The following SLC27A2 variants were observed in gnomAD, a reference collection of about 807,000 sequenced individuals.
The protein encoded by SLC27A2 is solute carrier family 27 member 2.
A neutral mutation model predicts 60.0 loss-of-function variants in SLC27A2; 54 were observed. The ratio of observed to expected loss-of-function variants is 0.90; its 90% CI spans 0.72 to 1.13. The LOEUF is 1.13. Among genes scored for constraint, SLC27A2 ranks in the 50% most tolerant of loss-of-function variants. SLC27A2 has a pLI of 0.00. For missense variants in SLC27A2, 739 were observed against 777.6 expected (o/e 0.95, Z 0.59); for synonymous variants, 297 against 297.6 (o/e 1.00, Z 0.02).
chr15:50,195,491 AAAAT>A (rs1379968003), intron 1 of SLC27A2, among the ~76,000 whole-genome samples: 2 of 151,892 alleles, frequency 1.3e-5, no homozygotes, highest in African/African-American at 4.8e-5. Flanking sequence ...ACTCTGTCTC[AAAAT>A]AAATAAATAA....
At chr15:50,201,838 A>C (rs1276634983) in intron 2 of SLC27A2, among the ~76,000 whole-genome samples, 1 of 152,188 alleles carries the variant, frequency 6.6e-6, no homozygotes, top group Non-Finnish European at 1.5e-5. Flanking sequence ...TACAGGCGTG[A>C]GCCACCGCGC....
chr15:50,213,942 G>A (rs1380468141), intron 4 of SLC27A2, among the ~76,000 whole-genome samples: 7 of 151,482 alleles, frequency 4.6e-5, no homozygotes, highest in African/African-American at 1.5e-4. Flanking sequence ...CCCAGCAGAA[G>A]AAGGGAAATA....
In SLC27A2 at chr15:50,236,151, CTT is replaced by C; in HGVS notation, c.*56_*57del. The C allele has an allele frequency of 7.2e-7, 1 of 1,396,134 alleles. No individual in the cohort carries two copies. The highest frequency in any genetic ancestry group is 9.7e-7 in the Non-Finnish European group (1 of 1,032,470). The allele number at this position is 1,396,134 out of a possible 1,614,324, so 86.5% of individuals were successfully genotyped here. On this transcript the variant is annotated 3_prime_UTR_variant, in exon 10 of 10. Transcript: ENST00000267842. ...CAGAAAGAAACTGAATGGACAGCCA[CTT>C]GATATAATCCAACTTTAATTTGATT...
At chr15:50,217,208 TG>T (rs1469002991) in intron 4 of SLC27A2, among the ~76,000 whole-genome samples, 1 of 151,996 alleles carries the variant, frequency 6.6e-6, no homozygotes, top group Non-Finnish European at 1.5e-5. Flanking sequence ...ACCTTACTCA[TG>T]TAACCAAATA....
At chr15:50,226,203 A>C (rs2045277642) in intron 6 of SLC27A2, 125 bp downstream of exon 6, 1 of 623,416 alleles carries the variant, frequency 1.6e-6, no homozygotes. Context: ...GGGTTTATTT[A>C]AGTACCCTCC....
chr15:50,229,339 A>T (rs2045300219), intron 8 of SLC27A2, among the ~76,000 whole-genome samples: 1 of 152,252 alleles, frequency 6.6e-6, no homozygotes, highest in Non-Finnish European at 1.5e-5. Context: ...AAGTCGTGTC[A>T]TGCTTAAGAG....
chr15:50,230,181 C>T (rs988359119), intron 8 of SLC27A2, among the ~76,000 whole-genome samples: 2 of 149,850 alleles, frequency 1.3e-5, no homozygotes, highest in African/African-American at 4.9e-5. Context: ...TTGCAGTGAG[C>T]CGAGATCGTG....
intron 4 of SLC27A2, among the ~76,000 whole-genome samples, chr15:50,220,556 A>C (rs1471890120): frequency 6.6e-6 from 1 of 152,188 alleles, no homozygotes; most frequent in Non-Finnish European, 1.5e-5. Flanking sequence ...GCTGCTTTGG[A>C]GCTTCCATTG....
At chr15:50,229,099 C>A in intron 8 of SLC27A2, 57 bp downstream of exon 8, 4 of 1,243,166 alleles carry the variant, frequency 3.2e-6, no homozygotes, top group African/African-American at 1.5e-5. Context: ...ATAATTTTGG[C>A]CTCAAGGCGA....
At chr15:50,212,494 G>A (rs1246877724) in intron 4 of SLC27A2, among the ~76,000 whole-genome samples, 5 of 152,208 alleles carry the variant, frequency 3.3e-5, no homozygotes, top group Non-Finnish European at 7.3e-5. Context: ...TTGTCATCAG[G>A]TTATCCAAAG....
chr15:50,213,953 A>T (rs1291752189), intron 4 of SLC27A2, among the ~76,000 whole-genome samples: 1 of 152,076 alleles, frequency 6.6e-6, no homozygotes, highest in African/African-American at 2.4e-5. Flanking sequence ...AAGGGAAATA[A>T]CCAAGATCAG....
At chr15:50,215,710 G>A (rs2045190195) in intron 4 of SLC27A2, among the ~76,000 whole-genome samples, 1 of 152,012 alleles carries the variant, frequency 6.6e-6, no homozygotes. Context: ...ATCATAAAGG[G>A]GGCAAAGTAC....
intron 2 of SLC27A2, 49 bp downstream of exon 2, chr15:50,197,758 A>G (rs2045035601): frequency 1.5e-6 from 2 of 1,356,682 alleles, no homozygotes; most frequent in East Asian, 2.3e-5. Context: ...GAAGGAGTTA[A>G]ATGTTGACAC....
At chr15:50,205,388 C>A in intron 4 of SLC27A2, 25 bp downstream of exon 4, 1 of 1,587,578 alleles carries the variant, frequency 6.3e-7, no homozygotes, top group South Asian at 1.1e-5. Context: ...GTTTTACTAT[C>A]ATTTTGAAAT....
chr15:50,207,554 T>C (rs1450051277), intron 4 of SLC27A2, among the ~76,000 whole-genome samples: 1 of 150,936 alleles, frequency 6.6e-6, no homozygotes, highest in East Asian at 1.9e-4. Flanking sequence ...CTTTGGGAGG[T>C]AGAGGCGGGC....
Position 50,236,241 on chromosome 15 carries a change from AC to A in SLC27A2, c.*146del, listed in dbSNP as rs1310383823. 1.8e-6 allele frequency: 1 copy of A among 551,998 alleles called. No individual in the cohort carries two copies. Among genetic ancestry groups the A allele is most frequent in the Non-Finnish European group, 3.0e-6 (1 of 330,196 alleles). 34.2% of individuals were successfully genotyped at this position (551,998 alleles called of 1,614,324 possible). ...CCGTAAAGGGAGACTTTTTTAAATA[AC>A]AGTTGAGTCTTTGCAAGTAAAAAGA... On this transcript the variant is annotated 3_prime_UTR_variant, in exon 10 of 10. Coordinates refer to ENST00000267842, the MANE Select transcript of SLC27A2 (RefSeq NM_003645.4).
In SLC27A2 at chr15:50,228,960, T is replaced by C; in HGVS notation, c.1473T>C (p.Asn491=). 1 of 1,613,820 alleles carries C rather than the reference T, an allele frequency of 6.2e-7. No homozygotes were observed. The highest frequency in any genetic ancestry group is 1.1e-5 in the South Asian group (1 of 91,076). ...TTTCTTCCAGGTGGAAAGGGGAAAATGTGGCCACCACTGAAGTTGCTGATA... is the reference window on the plus strand; with the variant it reads ...TTTCTTCCAGGTGGAAAGGGGAAAACGTGGCCACCACTGAAGTTGCTGATA... ...VGDTFRWKGE[N]VATTEVADTV... The change falls in exon 8 of 10, where the codon AAT becomes AAC. Residue 491 remains asparagine, a synonymous_variant. Coordinates refer to ENST00000267842, the MANE Select transcript of SLC27A2 (RefSeq NM_003645.4).
intron 2 of SLC27A2, among the ~76,000 whole-genome samples, chr15:50,201,638 C>A (rs910600563): frequency 2.0e-5 from 3 of 151,856 alleles, no homozygotes; most frequent in Admixed American, 2.0e-4. Context: ...TCACTGCAAC[C>A]TTTGCCTCCC....
rs1189264221 is a variant in SLC27A2 at position 50,182,226 on chromosome 15, T to C, written c.-202T>C. 1.3e-6 allele frequency: 1 copy of C among 796,220 alleles called. No individual in the cohort carries two copies. Among genetic ancestry groups the C allele is most frequent in the African/African-American group, 1.8e-5 (1 of 55,006 alleles). 49.3% of individuals were successfully genotyped at this position (796,220 alleles called of 1,614,324 possible). A position where few individuals can be genotyped will look rare whatever the true frequency, so the allele number is the denominator to read the frequency against. ...TGCCCGGAACCCCCGGCAACGCGCA[T>C]ACGACTACACCTGCTCCGGAGCCCG... On this transcript the variant is annotated 5_prime_UTR_variant, in exon 1 of 10. Coordinates refer to ENST00000267842, the MANE Select transcript of SLC27A2 (RefSeq NM_003645.4).
Sources: gnomAD v4.1 joint callset for allele counts (sites outside exome capture counted in the v4.1 genomes callset) on GRCh38, gnomAD v4.1.1 for gene constraint, MANE v1.5 for transcripts, NCBI Gene and HGNC (gene_info 2026-07-23, HGNC 2026-07-21) for gene names.